Variants in ZSCAN31 observed in about 807,000 individuals in gnomAD.
ZSCAN31 encodes the protein zinc finger and SCAN domain containing 31.
In ZSCAN31, 14 loss-of-function variants were observed where a neutral mutation model predicts 22.5. The ratio of observed to expected loss-of-function variants is 0.62; its 90% CI spans 0.41 to 0.97. The LOEUF (loss-of-function observed/expected upper bound fraction) is 0.97. Ranked by LOEUF, ZSCAN31 falls within the 50% of genes least tolerant of loss-of-function variation. ZSCAN31 has a pLI of 0.00. For missense variants in ZSCAN31, 424 were observed against 483.4 expected (o/e 0.88, Z 1.15); for synonymous variants, 168 against 169.8 (o/e 0.99, Z 0.08).
rs913541624 is a variant in ZSCAN31, at chr6:28,341,789, G to A, written c.-367C>T. The A allele has an allele frequency of 1.7e-4, 26 of 152,230 alleles. 1 individual carries two copies. The highest frequency in any genetic ancestry group is 6.3e-4 in the African/African-American group (26 of 41,410). 9.4% of individuals were successfully genotyped at this position (152,230 alleles called of 1,614,324 possible). On this transcript the variant is annotated 5_prime_UTR_variant, in exon 3 of 8. Transcript: ENST00000396838. ...GGAACTGTCATGGTTTGGATGCCTG[G>A]GGTCTGCTAAAAACAAAGAAAAGTT...
chr6:28,343,509 G>A (rs1195381061), intron 2 of ZSCAN31, among the ~76,000 whole-genome samples: 1 of 149,340 alleles, frequency 6.7e-6, no homozygotes, highest in African/African-American at 2.5e-5. Flanking sequence ...AATGCTATAT[G>A]CTGCATATTT....
chr6:28,346,044 C>T lies in ZSCAN31; in HGVS notation c.-370-4252G>A, dbSNP rs1345552178. 2.0e-5 allele frequency among the ~76,000 whole-genome samples: 3 copies of T among 152,106 alleles called. No homozygotes were observed. The East Asian group carries it at 5.8e-4, about 29-fold the overall frequency. Reference sequence around the variant, plus strand: ...TAGGGAAAGATGTGCTTTCTATGTACCCTCTTGATTCTAGGCTCCGTGAGT... The same window carrying T: ...TAGGGAAAGATGTGCTTTCTATGTATCCTCTTGATTCTAGGCTCCGTGAGT... On this transcript the variant is annotated intron_variant, in intron 2 of 7. Transcript: ENST00000396838.
At chr6:28,338,249 A>C (rs1764278612), upstream of ZSCAN31, among the ~76,000 whole-genome samples, 1 of 152,008 alleles carries the variant, frequency 6.6e-6, no homozygotes, top group Non-Finnish European at 1.5e-5. Context: ...AAATACAAAA[A>C]TTAGCCAGGC....
intron 2 of ZSCAN31, among the ~76,000 whole-genome samples, chr6:28,346,605 T>A (rs1296294471): frequency 6.6e-6 from 1 of 152,054 alleles, no homozygotes; most frequent in African/African-American, 2.4e-5. Context: ...GATCCACCCA[T>A]CTCAGCCTCT....
At position 28,327,397 on chromosome 6, in the gene ZSCAN31, T is replaced by C. The variant is rs778685358; in HGVS notation, c.518A>G (p.Gln173Arg). ...AAAATCCTTACCTTGTTCTTGAAAT[T>C]GGTGGAGGCAAAAAGATTCATATCT... The part of the protein sequence containing the change: ...QLRYESFCLH[Q>R]FQEQDGESIP... The change falls in exon 3 of 4, where the codon CAA (glutamine) becomes CGA (arginine). Residue 173 changes from glutamine (Q) to arginine (R), a missense_variant. By Grantham distance (43) the Gln-to-Arg change is conservative. Coordinates refer to ENST00000344279, the MANE Select transcript of ZSCAN31 (RefSeq NM_030899.5). 1.8e-5 allele frequency: 29 copies of C among 1,613,936 alleles called. No individual in the cohort carries two copies. The South Asian group carries it at 3.1e-4, about 17-fold the overall frequency.
chr6:28,327,657 C>T, intron 2 of ZSCAN31, 124 bp from the exon 3 acceptor site: 1 of 1,144,618 alleles, frequency 8.7e-7, no homozygotes, highest in Non-Finnish European at 1.2e-6. Context: ...AGTGGAAGGA[C>T]CAGAGTTTAA....
intron 1 of ZSCAN31, chr6:28,353,970 ATG>A (rs1765241066): frequency 2.2e-6 from 1 of 454,666 alleles, no homozygotes; most frequent in Admixed American, 2.3e-5. Flanking sequence ...CAGGTAAAAT[ATG>A]ATTTTATTCA....
chr6:28,348,530 C>T (rs1764744901), intron 2 of ZSCAN31, among the ~76,000 whole-genome samples: 1 of 152,142 alleles, frequency 6.6e-6, no homozygotes, highest in South Asian at 2.1e-4. Context: ...GCAATTTCCA[C>T]CATATATCAA....
In ZSCAN31 at chr6:28,333,441, C is replaced by T. The variant is rs892100160; in HGVS notation, c.-96+2641G>A. On this transcript the variant is annotated intron_variant, in intron 1 of 3. Transcript: ENST00000344279. The surrounding 1 kb of genome is among the most constrained non-coding windows in gnomAD (Gnocchi z 4.1). The stretch of plus-strand genomic sequence containing the variant: ...CAAACATTTTAACGGGGAAGACAAA[C>T]CAAAAATAAAAGCAACAACAAAAAT... Among the ~76,000 whole-genome samples, 1 of 151,764 alleles carries T rather than the reference C, an allele frequency of 6.6e-6. No homozygotes were observed. Among genetic ancestry groups the T allele is most frequent in the East Asian group, 1.9e-4 (1 of 5,176 alleles).
At chr6:28,348,452 C>G (rs1764742552) in intron 2 of ZSCAN31, among the ~76,000 whole-genome samples, 1 of 151,930 alleles carries the variant, frequency 6.6e-6, no homozygotes, top group Non-Finnish European at 1.5e-5. Context: ...TTCATTTTTC[C>G]ATTTAGATAT....
rs556879348 is a variant in ZSCAN31 at position 28,328,619 on chromosome 6, C to A, written c.381+684G>T. On this transcript the variant is annotated intron_variant, in intron 2 of 3. Coordinates refer to ENST00000344279, the MANE Select transcript of ZSCAN31 (RefSeq NM_030899.5). ...ATATTGCTCAAACACACACGCTGTA[C>A]AATTTGTACAGTTAATGCAATTATT... Among the ~76,000 whole-genome samples, 47 of 152,226 alleles carry A rather than the reference C, an allele frequency of 3.1e-4. 2 individuals are homozygous for A. The South Asian group carries it at 9.5e-3, about 31-fold the overall frequency.
chr6:28,328,058 G>A (rs538776794), intron 2 of ZSCAN31, among the ~76,000 whole-genome samples: 1 of 152,198 alleles, frequency 6.6e-6, no homozygotes. Context: ...TTTCAAAAGG[G>A]GAGGAAGTGT....
Position 28,325,845 on chromosome 6 carries a change from TA to T in ZSCAN31, c.*320del, listed in dbSNP as rs1452984904. The T allele has an allele frequency of 4.8e-6, 1 of 209,880 alleles. No individual in the cohort carries two copies. Among genetic ancestry groups the T allele is most frequent in the African/African-American group, 2.3e-5 (1 of 43,622 alleles). The allele number at this position is 209,880 out of a possible 1,614,324, so 13.0% of individuals were successfully genotyped here. A position where few individuals can be genotyped will look rare whatever the true frequency, so the allele number is the denominator to read the frequency against. ...CCCTCCATAACAATTTATTTCCAGA[TA>T]AGATTTGGTGCCTTTAAAGGAAATC... On this transcript the variant is annotated 3_prime_UTR_variant, in exon 4 of 4. Coordinates refer to ENST00000344279, the MANE Select transcript of ZSCAN31 (RefSeq NM_030899.5).
At position 28,351,564 on chromosome 6, in the gene ZSCAN31, T is replaced by C. The variant is rs1358439751; in HGVS notation, c.-371+2298A>G. ...TATAACCATGACTCAGCTTCAGCCA[T>C]CATCTTTTGGTCATTTTCTTTCATT... On this transcript the variant is annotated intron_variant, in intron 2 of 7. Coordinates refer to the ZSCAN31 transcript ENST00000396838. This position sits in a 1 kb window ranked among gnomAD's most constrained non-coding sequence, Gnocchi z 4.6. Among the ~76,000 whole-genome samples the C allele has an allele frequency of 6.6e-6, 1 of 152,172 alleles. No individual in the cohort carries two copies. Among genetic ancestry groups the C allele is most frequent in the Non-Finnish European group, 1.5e-5 (1 of 68,018 alleles).
In ZSCAN31 at chr6:28,327,429, T is replaced by C. The variant is rs1298740956; in HGVS notation, c.486A>G (p.Thr162=). 6.2e-7 allele frequency: 1 copy of C among 1,614,106 alleles called. No individual in the cohort carries two copies. Among genetic ancestry groups the C allele is most frequent in the South Asian group, 1.1e-5 (1 of 91,082 alleles). The change falls in exon 3 of 4, where the codon ACA becomes ACG. Residue 162 remains threonine (T), a synonymous_variant. Transcript: ENST00000344279. ...GGCAAAAAGATTCATATCTGAGCTGTGTCACCATAGGCTGAAGCTGTATGT... is the reference window on the plus strand; with the variant it reads ...GGCAAAAAGATTCATATCTGAGCTGCGTCACCATAGGCTGAAGCTGTATGT... The part of the protein sequence containing the change: ...PTDIQLQPMV[T]QLRYESFCLH...
chr6:28,353,349 GTCAC>G (rs1328096149), intron 2 of ZSCAN31: 1 of 154,176 alleles, frequency 6.5e-6, no homozygotes, highest in East Asian at 1.9e-4. Flanking sequence ...TAATTTTGCA[GTCAC>G]TCACTTCTAG....
intron 2 of ZSCAN31, among the ~76,000 whole-genome samples, chr6:28,327,772 T>G (rs915164385): frequency 6.6e-6 from 1 of 152,072 alleles, no homozygotes; most frequent in Non-Finnish European, 1.5e-5. Flanking sequence ...ACCCCCTGAA[T>G]GTGGGCTGTA....
chr6:28,338,439 T>C (rs1326580847), upstream of ZSCAN31, among the ~76,000 whole-genome samples: 1 of 151,770 alleles, frequency 6.6e-6, no homozygotes, highest in Admixed American at 6.6e-5. Flanking sequence ...CACATTACAA[T>C]TTTTTTTGTA....
intron 2 of ZSCAN31, chr6:28,353,481 T>G (rs1765197344): frequency 6.1e-6 from 1 of 163,948 alleles, no homozygotes; most frequent in Admixed American, 6.0e-5. Context: ...TACTTTTCCC[T>G]CCTAAAATAC....
Sources: allele counts gnomAD v4.1 joint callset (sites outside exome capture counted in the v4.1 genomes callset), GRCh38; gene constraint gnomAD v4.1.1; non-coding constraint Gnocchi (gnomAD v3.1); transcripts MANE v1.5; gene names NCBI Gene and HGNC (gene_info 2026-07-23, HGNC 2026-07-21).